The following UBE2E2 variants were observed in gnomAD, a reference collection of about 807,000 sequenced individuals.
UBE2E2 encodes ubiquitin conjugating enzyme E2 E2.
Under a neutral mutation model 24.7 loss-of-function variants are expected in UBE2E2, and 6 were observed. The observed-to-expected ratio is 0.24, with a 90% CI of 0.13 to 0.48. The LOEUF (loss-of-function observed/expected upper bound fraction) is 0.48. Among genes scored for constraint, UBE2E2 ranks in the 20% least tolerant of loss-of-function variants. UBE2E2 has a pLI of 0.99. For missense variants in UBE2E2, 169 were observed against 245.0 expected (o/e 0.69, Z 2.07); for synonymous variants, 104 against 83.6 (o/e 1.24, Z -1.33).
intron 5 of UBE2E2, among the ~76,000 whole-genome samples, chr3:23,557,052 A>C (rs1695807663): frequency 6.6e-6 from 1 of 152,226 alleles, no homozygotes; most frequent in African/African-American, 2.4e-5. Flanking sequence ...AAACACTCCT[A>C]ATACTAAACA....
intron 3 of UBE2E2, among the ~76,000 whole-genome samples, chr3:23,405,360 A>G (rs1697330776): frequency 6.6e-6 from 1 of 152,208 alleles, no homozygotes; most frequent in African/African-American, 2.4e-5. Context: ...TAATGCTTTC[A>G]TTTAGTCTTG....
At position 23,555,354 on chromosome 3, in the gene UBE2E2, T is replaced by C. The variant is rs13086699; in HGVS notation, c.508+22653T>C. 8.3e-3 allele frequency among the ~76,000 whole-genome samples: 1,257 copies of C among 152,298 alleles called. 8 individuals carry two copies. Among genetic ancestry groups the C allele is most frequent in the Non-Finnish European group, 0.013 (888 of 68,012 alleles). On this transcript the variant is annotated intron_variant, in intron 5 of 5. Coordinates refer to ENST00000396703, the MANE Select transcript of UBE2E2 (RefSeq NM_152653.4). ...ATCACCTCGCACCTATTAGGATGGCTGTTACCAAAGAGACGAGGTTAAGTG... is the reference window on the plus strand; with the variant it reads ...ATCACCTCGCACCTATTAGGATGGCCGTTACCAAAGAGACGAGGTTAAGTG...
intron 3 of UBE2E2, among the ~76,000 whole-genome samples, chr3:23,304,399 G>T (rs1699186888): frequency 6.6e-6 from 1 of 152,026 alleles, no homozygotes; most frequent in South Asian, 2.1e-4. Context: ...TATTTGTTGT[G>T]TTAGAACAGA....
intron 3 of UBE2E2, among the ~76,000 whole-genome samples, chr3:23,309,006 AAAG>A (rs1293418784): frequency 1.3e-5 from 2 of 152,224 alleles, no homozygotes; most frequent in African/African-American, 2.4e-5. Context: ...GAGAAAGTAA[AAAG>A]AAGAGCAAGC....
chr3:23,222,447 G>A (rs568517512), intron 3 of UBE2E2, among the ~76,000 whole-genome samples: 5 of 152,222 alleles, frequency 3.3e-5, no homozygotes, highest in African/African-American at 1.2e-4. Context: ...AGGGACTGGC[G>A]GGAGATAATT....
chr3:23,490,549 A>G (rs543699608), intron 3 of UBE2E2, among the ~76,000 whole-genome samples: 2 of 152,290 alleles, frequency 1.3e-5, no homozygotes, highest in South Asian at 2.1e-4. Context: ...ACTCATTGCA[A>G]GGTATCCACA....
intron 3 of UBE2E2, among the ~76,000 whole-genome samples, chr3:23,255,436 TTAAAA>T (rs1163177598): frequency 3.3e-5 from 5 of 152,140 alleles, no homozygotes; most frequent in East Asian, 1.9e-4. Flanking sequence ...CATCAGGCAC[TTAAAA>T]TAACGCAGTG....
intron 3 of UBE2E2, among the ~76,000 whole-genome samples, chr3:23,475,251 C>T (rs2125437526): frequency 6.6e-6 from 1 of 152,156 alleles, no homozygotes; most frequent in East Asian, 1.9e-4. Flanking sequence ...ACCTAATCCA[C>T]TCATAGGGGT....
intron 3 of UBE2E2, among the ~76,000 whole-genome samples, chr3:23,269,509 T>C (rs1698173970): frequency 6.6e-6 from 1 of 152,174 alleles, no homozygotes; most frequent in Admixed American, 6.5e-5. Context: ...GATCACAGTC[T>C]GCCAGGAAAT....
chr3:23,414,822 G>A (rs190390593), intron 3 of UBE2E2, among the ~76,000 whole-genome samples: 27 of 152,312 alleles, frequency 1.8e-4, no homozygotes, highest in Non-Finnish European at 2.2e-4. Flanking sequence ...ATGAGAACAC[G>A]TAAGGTGCCA....
intron 3 of UBE2E2, among the ~76,000 whole-genome samples, chr3:23,320,712 G>A (rs968328938): frequency 3.3e-5 from 5 of 152,174 alleles, no homozygotes. Flanking sequence ...TGCGACCTTG[G>A]ATTTGTGTAT....
At chr3:23,336,446 C>T (rs1049084285) in intron 3 of UBE2E2, among the ~76,000 whole-genome samples, 1 of 152,192 alleles carries the variant, frequency 6.6e-6, no homozygotes, top group Non-Finnish European at 1.5e-5. Context: ...TTTATTTCTT[C>T]AATCACATGA....
Position 23,474,673 on chromosome 3 carries a change from T to G in UBE2E2, c.228-24935T>G, listed in dbSNP as rs1217723512. ...CAGTCTAGAATAAAACTATGCTGTT[T>G]CCACTTATGTGGTAATAATGCGTTA... On this transcript the variant is annotated intron_variant, in intron 3 of 5. Transcript: ENST00000396703. The surrounding 1 kb of genome is among the most constrained non-coding windows in gnomAD (Gnocchi z 4.0). Among the ~76,000 whole-genome samples the G allele has an allele frequency of 6.6e-6, 1 of 152,108 alleles. No individual in the cohort carries two copies. The highest frequency in any genetic ancestry group is 1.9e-4 in the East Asian group (1 of 5,196).
intron 3 of UBE2E2, among the ~76,000 whole-genome samples, chr3:23,459,174 TTAAG>T (rs759052650): frequency 1.6e-4 from 25 of 152,216 alleles, no homozygotes; most frequent in African/African-American, 2.2e-4. Context: ...GCCAAATACT[TTAAG>T]TAAGCAAATC....
chr3:23,364,871 A>T (rs1431462346), intron 3 of UBE2E2, among the ~76,000 whole-genome samples: 3 of 152,204 alleles, frequency 2.0e-5, no homozygotes, highest in African/African-American at 4.8e-5. Flanking sequence ...AAAAGTCCCC[A>T]ACAAAATACT....
At chr3:23,549,611 A>G (rs1318705859) in intron 5 of UBE2E2, among the ~76,000 whole-genome samples, 1 of 152,184 alleles carries the variant, frequency 6.6e-6, no homozygotes, top group Non-Finnish European at 1.5e-5. Flanking sequence ...TATTGTGAGG[A>G]AAAAATGGTA....
At chr3:23,257,524 CCCCCACTT>C (rs1692485277) in intron 3 of UBE2E2, among the ~76,000 whole-genome samples, 1 of 49,724 alleles carries the variant, frequency 2.0e-5, no homozygotes, top group African/African-American at 7.4e-5. Context: ...CCCCCCCCCC[CCCCCACTT>C]TTTTTTTTTT....
At chr3:23,545,998 C>T (rs955696343) in intron 5 of UBE2E2, among the ~76,000 whole-genome samples, 3 of 151,966 alleles carry the variant, frequency 2.0e-5, no homozygotes, top group African/African-American at 7.2e-5. Context: ...ATTGGAGACT[C>T]AGAAGAGAGG....
intron 5 of UBE2E2, among the ~76,000 whole-genome samples, chr3:23,545,346 G>A (rs975619084): frequency 3.3e-5 from 5 of 152,186 alleles, no homozygotes; most frequent in African/African-American, 1.2e-4. Context: ...CGCAGTGTTT[G>A]TGTCCCTGGG....
Sources: allele counts gnomAD v4.1 joint callset (sites outside exome capture counted in the v4.1 genomes callset), GRCh38; gene constraint gnomAD v4.1.1; non-coding constraint Gnocchi (gnomAD v3.1); transcripts MANE v1.5; gene names NCBI Gene and HGNC (gene_info 2026-07-23, HGNC 2026-07-21).